DIAPH3: variants seen among roughly 807,000 people sequenced by gnomAD.
DIAPH3 encodes diaphanous related formin 3, also known as protein diaphanous homolog 3.
A neutral mutation model predicts 144.3 loss-of-function variants in DIAPH3; 117 were observed. The ratio of observed to expected loss-of-function variants is 0.81; its 90% CI spans 0.70 to 0.95. The LOEUF (loss-of-function observed/expected upper bound fraction) is 0.95, where lower values mean the gene tolerates loss of function less well. DIAPH3 is among the 40% of genes least tolerant of loss of function. DIAPH3 has a pLI of 0.00. For missense variants in DIAPH3, 1,421 were observed against 1,412.7 expected, an observed-to-expected ratio of 1.01 and a Z score of -0.09; for synonymous variants, 519 against 488.9, an observed-to-expected ratio of 1.06 and a Z score of -0.81.
chr13:59,919,315 G>A (rs2047399621), intron 18 of DIAPH3, among the ~76,000 whole-genome samples: 2 of 152,052 alleles, frequency 1.3e-5, no homozygotes, highest in South Asian at 4.1e-4. Context: ...ATACGGGAAG[G>A]TAAAAGGTGT....
chr13:60,024,663 T>G (rs1269539394), intron 5 of DIAPH3, among the ~76,000 whole-genome samples: 2 of 152,250 alleles, frequency 1.3e-5, no homozygotes, highest in Non-Finnish European at 1.5e-5. Flanking sequence ...GGTATGACCA[T>G]ATTTTTTATA....
At chr13:59,695,469 A>C (rs1423597347) in intron 27 of DIAPH3, 1 of 152,216 alleles carries the variant, frequency 6.6e-6, no homozygotes, top group African/African-American at 2.4e-5. Flanking sequence ...TAAAAGGTAG[A>C]ATGCATTAAA....
chr13:59,709,415 C>T (rs528871088), intron 27 of DIAPH3, among the ~76,000 whole-genome samples: 2 of 152,122 alleles, frequency 1.3e-5, no homozygotes, highest in East Asian at 3.9e-4. Flanking sequence ...ACAAACAACC[C>T]CATCAAAAAG....
intron 9 of DIAPH3, among the ~76,000 whole-genome samples, chr13:59,998,401 G>A (rs1042458771): frequency 6.6e-6 from 1 of 151,996 alleles, no homozygotes; most frequent in African/African-American, 2.4e-5. Context: ...AAGGGCAGAG[G>A]TGTATTTCAC....
At chr13:59,871,472 A>C (rs1346364161) in intron 21 of DIAPH3, among the ~76,000 whole-genome samples, 3 of 152,002 alleles carry the variant, frequency 2.0e-5, no homozygotes, top group Non-Finnish European at 4.4e-5. Context: ...GTTCCCCTCT[A>C]CCCCTATTTG....
At chr13:59,919,916 G>A (rs1360179458) in intron 18 of DIAPH3, among the ~76,000 whole-genome samples, 1 of 151,834 alleles carries the variant, frequency 6.6e-6, no homozygotes, top group East Asian at 1.9e-4. Context: ...CAAAATTCAA[G>A]GAAAGAGTAA....
rs188300969 is a variant in DIAPH3, at chr13:60,088,264, C to G, written c.495+5364G>C. On this transcript the variant is annotated intron_variant, in intron 4 of 27. Transcript: ENST00000400324. ...TTGGAGACACAATAAACACACTGCA[C>G]TACATAACATAAACCAAAATTCCCC... 1.9e-3 allele frequency among the ~76,000 whole-genome samples: 282 copies of G among 152,202 alleles called. 2 individuals are homozygous for G. The highest frequency in any genetic ancestry group is 7.7e-4 in the East Asian group (4 of 5,178).
intron 21 of DIAPH3, among the ~76,000 whole-genome samples, chr13:59,874,902 C>G (rs1470227063): frequency 2.6e-5 from 4 of 152,086 alleles, no homozygotes; most frequent in African/African-American, 9.7e-5. Context: ...TCTTATTAGA[C>G]ATTAGTAAAC....
intron 2 of DIAPH3, among the ~76,000 whole-genome samples, chr13:60,131,512 T>C (rs1416200779): frequency 1.3e-5 from 2 of 148,448 alleles, no homozygotes; most frequent in East Asian, 2.0e-4. Flanking sequence ...GAACACATTA[T>C]GGTAAGCGAA....
Position 59,833,291 on chromosome 13 carries a change from T to C in DIAPH3, c.2863-20A>G, listed in dbSNP as rs2041877934. ...AAATCTGTATACTATAGTTAAGGTATTCTGAAATTTACAAAGTAATGCTTT... is the reference window on the plus strand; with the variant it reads ...AAATCTGTATACTATAGTTAAGGTACTCTGAAATTTACAAAGTAATGCTTT... On this transcript the variant is annotated intron_variant, in intron 23 of 27. Transcript: ENST00000400324. The C allele has an allele frequency of 6.3e-6, 10 of 1,590,996 alleles. No individual in the cohort carries two copies. Among genetic ancestry groups the C allele is most frequent in the Non-Finnish European group, 8.6e-6 (10 of 1,164,030 alleles).
intron 4 of DIAPH3, among the ~76,000 whole-genome samples, chr13:60,043,798 C>A (rs569964131): frequency 1.3e-5 from 2 of 152,008 alleles, no homozygotes; most frequent in African/African-American, 4.8e-5. Context: ...GAGAAACAGG[C>A]AATACATAAA....
At chr13:59,903,374 T>C (rs1411756105) in intron 20 of DIAPH3, among the ~76,000 whole-genome samples, 6 of 152,196 alleles carry the variant, frequency 3.9e-5, no homozygotes, top group Non-Finnish European at 8.8e-5. Context: ...CAATGTTTTT[T>C]ATAAGTGTTT....
At chr13:60,026,690 G>T (rs193163518) in intron 5 of DIAPH3, among the ~76,000 whole-genome samples, 2 of 151,968 alleles carry the variant, frequency 1.3e-5, no homozygotes, top group East Asian at 3.9e-4. Context: ...ACCAACCAAC[G>T]GTATTAGACA....
intron 24 of DIAPH3, among the ~76,000 whole-genome samples, chr13:59,821,049 C>T (rs577245793): frequency 1.9e-3 from 290 of 152,040 alleles, no homozygotes; most frequent in Middle Eastern, 6.8e-3. Flanking sequence ...GTTCAGAGTT[C>T]TATTTCATTC....
At chr13:59,998,368 A>C (rs944067587) in intron 9 of DIAPH3, among the ~76,000 whole-genome samples, 4 of 152,144 alleles carry the variant, frequency 2.6e-5, no homozygotes, top group Admixed American at 2.6e-4. Flanking sequence ...AGATGGCTTT[A>C]AATTCTTGAG....
chr13:59,774,514 G>A (rs2038292008), intron 26 of DIAPH3, among the ~76,000 whole-genome samples: 1 of 152,180 alleles, frequency 6.6e-6, no homozygotes, highest in African/African-American at 2.4e-5. Context: ...TCAGTGCATT[G>A]ATTTGTTAAT....
Position 59,774,214 on chromosome 13 carries a change from C to A in DIAPH3, c.3294G>T (p.Arg1098Ser), listed in dbSNP as rs1242527712. The change falls in exon 27 of 28, where the codon AGG becomes AGT. Residue 1098 changes from arginine (R) to serine (S), a missense_variant. Physicochemically the swap from Arg to Ser is moderately radical, Grantham distance 110 (BLOSUM62 -1). Transcript: ENST00000400324. ...VRQSLSPMSQ[R>S]PVLKVCNHEN... Reference sequence around the variant, plus strand: ...CATGGTTACAAACTTTCAGAACAGGCCTCTGAGACATTGGACTGAGACTCT... The same window carrying A: ...CATGGTTACAAACTTTCAGAACAGGACTCTGAGACATTGGACTGAGACTCT... The A allele has an allele frequency of 1.9e-6, 3 of 1,613,004 alleles. No individual in the cohort carries two copies. The highest frequency in any genetic ancestry group is 1.7e-5 in the Admixed American group (1 of 59,960).
In DIAPH3 at chr13:59,993,565, T is replaced by C. The variant is rs556121995; in HGVS notation, c.1015-982A>G. On this transcript the variant is annotated intron_variant, in intron 9 of 27. Transcript: ENST00000400324. The stretch of plus-strand genomic sequence containing the variant: ...AACAGAATTCTCAATTCCTGCTGTT[T>C]GAAATATATAGTAATTGTTATATTT... 4.0e-5 allele frequency among the ~76,000 whole-genome samples: 6 copies of C among 151,742 alleles called. No homozygotes were observed. In the South Asian group the frequency reaches 1.2e-3, roughly 31 times the overall value.
rs370177105 is a variant in DIAPH3 at position 60,025,404 on chromosome 13, CAAAAAAAAAAA to C, written c.627-9270_627-9260del. Among the ~76,000 whole-genome samples, 5 of 68,128 alleles carry C rather than the reference CAAAAAAAAAAA, an allele frequency of 7.3e-5. No homozygotes were observed. In the East Asian group the frequency reaches 2.0e-3, roughly 27 times the overall value. 44.7% of individuals were successfully genotyped at this position (68,128 alleles called of 152,430 possible). ...GTCCAGTATTTCTAGTTGTGCTTAG[CAAAAAAAAAAA>C]AAAAAAGGAAATAGTAGATTTAGTC... On this transcript the variant is annotated intron_variant, in intron 5 of 27. Coordinates refer to ENST00000400324, the MANE Select transcript of DIAPH3 (RefSeq NM_001042517.2).
Sources: allele counts gnomAD v4.1 joint callset (sites outside exome capture counted in the v4.1 genomes callset), GRCh38; gene constraint gnomAD v4.1.1; transcripts MANE v1.5; gene names NCBI Gene and HGNC (gene_info 2026-07-23, HGNC 2026-07-21).